Variants in ZNF451 observed in about 807,000 individuals in gnomAD.
The protein encoded by ZNF451 is E3 SUMO-protein ligase ZNF451.
A neutral mutation model predicts 107.1 loss-of-function variants in ZNF451; 80 were observed. The ratio of observed to expected loss-of-function variants is 0.75; its 90% CI spans 0.62 to 0.90. The LOEUF (loss-of-function observed/expected upper bound fraction) is 0.90. Ranked by LOEUF, ZNF451 falls within the 40% of genes least tolerant of loss-of-function variation. ZNF451 has a pLI of 0.00. For synonymous variants in ZNF451, 362 were observed against 406.5 expected (o/e 0.89, Z 1.32); for missense variants, 1,107 against 1,236.2 (o/e 0.90, Z 1.57).
rs989573052 is a variant in ZNF451, at chr6:57,148,438, C to G, written c.2353C>G (p.Gln785Glu). The G allele has an allele frequency of 2.5e-6, 4 of 1,613,928 alleles. No individual in the cohort carries two copies. Among genetic ancestry groups the G allele is most frequent in the Admixed American group, 1.7e-5 (1 of 59,988 alleles). ...CAAAGAAAAGAGTGATGAGGAGGAG[C>G]AGCAGTATGTAATCAAGTGTGGCAC... is the stretch of plus-strand genomic sequence containing the variant. ...VHKEKSDEEE[Q>E]QYVIKCGTCT... is the part of the protein sequence containing the mutation. Residue 785 changes from glutamine to glutamate, a missense_variant, in exon 10 of 15, where the codon CAG becomes GAG. This residue lies in a region of ZNF451 where 608 missense variants were observed against 649.2 expected (regional missense o/e 0.94). Coordinates refer to ENST00000370706, the MANE Select transcript of ZNF451 (RefSeq NM_001031623.3).
intron 2 of ZNF451, among the ~76,000 whole-genome samples, chr6:57,093,965 T>TG (rs1270866746): frequency 2.0e-5 from 3 of 152,192 alleles, no homozygotes; most frequent in African/African-American, 7.2e-5. Flanking sequence ...CTTCTCTATA[T>TG]GGGGGGAAAA....
chr6:57,152,526 T>C (rs1832399075), intron 12 of ZNF451, among the ~76,000 whole-genome samples, 175 bp downstream of exon 12: 1 of 152,232 alleles, frequency 6.6e-6, no homozygotes, highest in Admixed American at 6.5e-5. Context: ...CCTCAACTTC[T>C]AGCAAACCTT....
intron 4 of ZNF451, among the ~76,000 whole-genome samples, chr6:57,125,490 G>T (rs934004177): frequency 2.0e-5 from 3 of 152,090 alleles, no homozygotes; most frequent in Non-Finnish European, 4.4e-5. Flanking sequence ...CCATACTAAA[G>T]TACAAAAATG....
intron 11 of ZNF451, 63 bp downstream of exon 11, chr6:57,150,925 A>G: frequency 1.3e-6 from 2 of 1,583,274 alleles, no homozygotes; most frequent in South Asian, 1.1e-5. Flanking sequence ...AGTTCAGTTT[A>G]AAAGGCTCCT....
At chr6:57,151,049 T>C (rs2127981572) in intron 11 of ZNF451, 187 bp downstream of exon 11, 1 of 648,856 alleles carries the variant, frequency 1.5e-6, no homozygotes, top group Non-Finnish European at 2.4e-6. Flanking sequence ...ATGTTAGCTC[T>C]ATCTGGTGAC....
At chr6:57,167,841 A>C (rs1244280564) in intron 14 of ZNF451, among the ~76,000 whole-genome samples, 1 of 152,230 alleles carries the variant, frequency 6.6e-6, no homozygotes, top group African/African-American at 2.4e-5. Flanking sequence ...TATAATGGGC[A>C]TTCAATAAAT....
At position 57,148,575 on chromosome 6, in the gene ZNF451, G is replaced by T. The variant is rs758754206; in HGVS notation, c.2490G>T (p.Leu830=). The T allele has an allele frequency of 1.9e-6, 3 of 1,614,070 alleles. No homozygotes were observed. Among genetic ancestry groups the T allele is most frequent in the Non-Finnish European group, 1.7e-6 (2 of 1,179,992 alleles). ...VAHFGSEKSN[L]YKFTASASHT... ...ATTTTGGATCTGAAAAATCAAACCTGTACAAGTTTACTGCTAGTGCCTCAC... is the reference window on the plus strand; with the variant it reads ...ATTTTGGATCTGAAAAATCAAACCTTTACAAGTTTACTGCTAGTGCCTCAC... Residue 830 remains leucine (L), a synonymous_variant, in exon 10 of 15, where the codon CTG becomes CTT. Coordinates refer to ENST00000370706, the MANE Select transcript of ZNF451 (RefSeq NM_001031623.3).
At position 57,124,839 on chromosome 6, in the gene ZNF451, GAGA is replaced by G; in HGVS notation, c.297_299del (p.Lys99del). 6.2e-7 allele frequency: 1 copy of G among 1,609,440 alleles called. No individual in the cohort carries two copies. Among genetic ancestry groups the G allele is most frequent in the Non-Finnish European group, 8.5e-7 (1 of 1,177,134 alleles). ...TGAAGTGGAGAAACAGCAGAAAGAA[GAGA>G]AGAATAGAGCATTCAGAGTATGTGC... On this transcript the variant is annotated inframe_deletion, in exon 4 of 15. Coordinates refer to ENST00000370706, the MANE Select transcript of ZNF451 (RefSeq NM_001031623.3).
chr6:57,098,610 T>G lies in ZNF451; in HGVS notation c.106-451T>G, dbSNP rs372595542. ...GGCCTGGTTGATGAAGAAATTGGCA[T>G]GGATGGAAAGAAAGAATGGAAAAGA... On this transcript the variant is annotated intron_variant, in intron 2 of 14. Transcript: ENST00000370706. Among the ~76,000 whole-genome samples the G allele has an allele frequency of 2.6e-5, 4 of 152,338 alleles. No homozygotes were observed. The East Asian group carries it at 7.7e-4, about 29-fold the overall frequency.
At chr6:57,104,884 A>G in intron 3 of ZNF451, 1 of 985,446 alleles carries the variant, frequency 1.0e-6, no homozygotes, top group Non-Finnish European at 1.2e-6. Flanking sequence ...TTGGTGACCA[A>G]GTAGTTCTGA....
chr6:57,095,805 C>CTTT (rs751828785), intron 2 of ZNF451, among the ~76,000 whole-genome samples: 7 of 150,882 alleles, frequency 4.6e-5, no homozygotes, highest in South Asian at 2.1e-4. Context: ...ATTACTGCAG[C>CTTT]TTTTTTTTTT....
chr6:57,121,772 A>G (rs1269831811), intron 3 of ZNF451, among the ~76,000 whole-genome samples: 2 of 152,216 alleles, frequency 1.3e-5, no homozygotes, highest in Non-Finnish European at 2.9e-5. Flanking sequence ...CATGGATGGG[A>G]AGACTCAATA....
At chr6:57,105,127 A>G (rs1262176829) in intron 3 of ZNF451, 1 of 985,446 alleles carries the variant, frequency 1.0e-6, no homozygotes, top group Non-Finnish European at 1.2e-6. Context: ...AAATCCTCAT[A>G]TTATGCCTGC....
intron 3 of ZNF451, among the ~76,000 whole-genome samples, chr6:57,109,873 T>A (rs1477480227): frequency 6.6e-6 from 1 of 152,232 alleles, no homozygotes; most frequent in African/African-American, 2.4e-5. Context: ...TTTTAGTTTG[T>A]CAGACATCTT....
intron 7 of ZNF451, among the ~76,000 whole-genome samples, chr6:57,138,729 ATATATATATATATG>A (rs1490684009): frequency 3.5e-5 from 4 of 114,122 alleles, no homozygotes; most frequent in African/African-American, 9.8e-5. Flanking sequence ...ATATATATAT[ATATATATATATATG>A]TGTGTGTGTG....
chr6:57,101,395 A>G, intron 3 of ZNF451: 1 of 1,550,704 alleles, frequency 6.4e-7, no homozygotes. Flanking sequence ...CATGGGACAC[A>G]GGGTATATCC....
chr6:57,166,054 G>A (rs1055127040), intron 14 of ZNF451, among the ~76,000 whole-genome samples: 3 of 151,484 alleles, frequency 2.0e-5, no homozygotes, highest in African/African-American at 7.3e-5. Context: ...TTGAGACGGA[G>A]TCTTCCTCTG....
chr6:57,116,803 T>C (rs1465856740), intron 3 of ZNF451: 2 of 152,052 alleles, frequency 1.3e-5, no homozygotes, highest in African/African-American at 2.4e-5. Context: ...TTCTTCCTTT[T>C]TAAGAAGAAA....
At chr6:57,136,450 T>C (rs904794562) in intron 7 of ZNF451, among the ~76,000 whole-genome samples, 2 of 152,084 alleles carry the variant, frequency 1.3e-5, no homozygotes, top group Non-Finnish European at 2.9e-5. Flanking sequence ...AATTTAGCTC[T>C]GAGATGAGAG....
Sources: allele counts gnomAD v4.1 joint callset (sites outside exome capture counted in the v4.1 genomes callset), GRCh38; gene constraint gnomAD v4.1.1; regional missense constraint gnomAD v4.1.1; transcripts MANE v1.5; gene names NCBI Gene and HGNC (gene_info 2026-07-23, HGNC 2026-07-21).